Variants in BBOX1 observed in about 807,000 individuals in gnomAD.
BBOX1 encodes gamma-butyrobetaine dioxygenase.
BBOX1 carries 35 observed loss-of-function variants against 41.6 expected under a neutral mutation model. That is an observed-to-expected ratio of 0.84 (90% confidence interval 0.64 to 1.11). The LOEUF (loss-of-function observed/expected upper bound fraction) is 1.11. Among genes scored for constraint, BBOX1 ranks in the 50% most tolerant of loss-of-function variants. BBOX1 has a pLI of 0.00. For synonymous variants in BBOX1, 163 were observed against 154.7 expected (o/e 1.05, Z -0.40); for missense variants, 458 against 460.6 (o/e 0.99, Z 0.05).
At chr11:27,067,694 G>A (rs1449410114) in intron 4 of BBOX1, among the ~76,000 whole-genome samples, 1 of 151,690 alleles carries the variant, frequency 6.6e-6, no homozygotes, top group Non-Finnish European at 1.5e-5. Flanking sequence ...CCAGGAAGTG[G>A]AAGTTGCACT....
chr11:27,068,580 C>T (rs1857357719), intron 4 of BBOX1, among the ~76,000 whole-genome samples: 1 of 151,600 alleles, frequency 6.6e-6, no homozygotes, highest in Non-Finnish European at 1.5e-5. Context: ...TTTAATAAGT[C>T]CCCATTTATT....
intron 7 of BBOX1, among the ~76,000 whole-genome samples, chr11:27,122,299 C>A (rs1378311687): frequency 6.6e-6 from 1 of 152,024 alleles, no homozygotes; most frequent in Non-Finnish European, 1.5e-5. Flanking sequence ...CTTTTACTTG[C>A]CAGCTGTGTA....
intron 5 of BBOX1, among the ~76,000 whole-genome samples, chr11:27,102,447 T>C (rs949895865): frequency 1.3e-5 from 2 of 152,004 alleles, no homozygotes; most frequent in Non-Finnish European, 1.5e-5. Flanking sequence ...CCAAAACCCA[T>C]TGACATATCC....
chr11:27,082,671 C>G (rs1431138047), intron 4 of BBOX1, among the ~76,000 whole-genome samples: 1 of 152,058 alleles, frequency 6.6e-6, no homozygotes, highest in African/African-American at 2.4e-5. Context: ...GATAGAGTAT[C>G]TGTTATGGGA....
At chr11:27,046,376 C>A (rs1325905372) in intron 2 of BBOX1, 1 of 151,734 alleles carries the variant, frequency 6.6e-6, no homozygotes, top group Non-Finnish European at 1.5e-5. Context: ...CCCAGACAAA[C>A]TTCTATTACT....
At chr11:27,095,510 C>A (rs932817593) in intron 5 of BBOX1, among the ~76,000 whole-genome samples, 2 of 151,948 alleles carry the variant, frequency 1.3e-5, no homozygotes, top group African/African-American at 4.8e-5. Flanking sequence ...CATTCCATGT[C>A]CCTTATGGGC....
At chr11:27,077,018 C>A (rs1033243803) in intron 4 of BBOX1, among the ~76,000 whole-genome samples, 2 of 152,092 alleles carry the variant, frequency 1.3e-5, no homozygotes, top group Non-Finnish European at 2.9e-5. Context: ...CCTTCCAGTC[C>A]ACCCACAAAG....
chr11:27,061,734 C>A (rs996851157), intron 4 of BBOX1, among the ~76,000 whole-genome samples: 3 of 152,102 alleles, frequency 2.0e-5, no homozygotes, highest in African/African-American at 7.2e-5. Flanking sequence ...CTGTTGAACT[C>A]AAAAATGACA....
At chr11:27,096,019 T>C (rs1858425895) in intron 5 of BBOX1, among the ~76,000 whole-genome samples, 1 of 151,898 alleles carries the variant, frequency 6.6e-6, no homozygotes, top group Non-Finnish European at 1.5e-5. Context: ...ACAGTACTGG[T>C]ATTTGGCCTG....
At chr11:27,088,513 A>T (rs1858124736) in intron 4 of BBOX1, among the ~76,000 whole-genome samples, 1 of 151,966 alleles carries the variant, frequency 6.6e-6, no homozygotes, top group Non-Finnish European at 1.5e-5. Context: ...TAAAATTCTG[A>T]CTAGGAGCCA....
chr11:27,106,998 T>C (rs1444308490), intron 5 of BBOX1, among the ~76,000 whole-genome samples: 1 of 151,996 alleles, frequency 6.6e-6, no homozygotes, highest in Non-Finnish European at 1.5e-5. Context: ...ACTGGGTACA[T>C]AGTGAAATGA....
chr11:27,100,163 T>C (rs1022165505), intron 5 of BBOX1, among the ~76,000 whole-genome samples: 1 of 152,108 alleles, frequency 6.6e-6, no homozygotes, highest in Non-Finnish European at 1.5e-5. Flanking sequence ...TTTCTCGGCA[T>C]CTCACCCCTA....
At chr11:27,092,931 C>T (rs184264196) in intron 4 of BBOX1, among the ~76,000 whole-genome samples, 165 of 151,964 alleles carry the variant, frequency 1.1e-3, no homozygotes, top group African/African-American at 3.6e-3. Flanking sequence ...ACAAATGGGG[C>T]ATATTGAATA....
intron 5 of BBOX1, among the ~76,000 whole-genome samples, chr11:27,114,179 A>G (rs117507785): frequency 3.9e-5 from 6 of 152,000 alleles, no homozygotes; most frequent in African/African-American, 4.8e-5. Context: ...AATACTTAGG[A>G]ATAAATTTAA....
At chr11:27,094,429 T>A (rs1858364252) in intron 5 of BBOX1, among the ~76,000 whole-genome samples, 1 of 151,958 alleles carries the variant, frequency 6.6e-6, no homozygotes, top group Non-Finnish European at 1.5e-5. Flanking sequence ...CCACATGATG[T>A]TGAAAGAAAA....
chr11:27,074,733 T>C lies in BBOX1; in HGVS notation c.334+17418T>C, dbSNP rs528282868. 2.6e-5 allele frequency among the ~76,000 whole-genome samples: 4 copies of C among 152,340 alleles called. No individual in the cohort carries two copies. The East Asian group carries it at 5.8e-4, about 22-fold the overall frequency. On this transcript the variant is annotated intron_variant, in intron 4 of 8. Transcript: ENST00000263182. The stretch of plus-strand genomic sequence containing the variant: ...GAACAAAGAGATTAGCTAAAACTGA[T>C]AGTTACATTTAAAAGGGAAGAAGAG...
chr11:27,071,406 A>T (rs1338332197), intron 4 of BBOX1, among the ~76,000 whole-genome samples: 1 of 151,054 alleles, frequency 6.6e-6, no homozygotes, highest in African/African-American at 2.4e-5. Flanking sequence ...GGGGCTAAAG[A>T]TAGGATCCCA....
At chr11:27,113,797 G>C (rs905057775) in intron 5 of BBOX1, among the ~76,000 whole-genome samples, 24 of 145,650 alleles carry the variant, frequency 1.6e-4, no homozygotes, top group African/African-American at 6.1e-4. Flanking sequence ...ATGTACCCCT[G>C]AACCTAAAAG....
At chr11:27,065,599 T>A (rs1439911339) in intron 4 of BBOX1, among the ~76,000 whole-genome samples, 1 of 152,162 alleles carries the variant, frequency 6.6e-6, no homozygotes, top group Non-Finnish European at 1.5e-5. Context: ...ATCTGCCTAA[T>A]TTTGGGCTTC....
Sources: allele counts gnomAD v4.1 joint callset (sites outside exome capture counted in the v4.1 genomes callset), GRCh38; gene constraint gnomAD v4.1.1; transcripts MANE v1.5; gene names NCBI Gene and HGNC (gene_info 2026-07-23, HGNC 2026-07-21).